The following PSMG2 variants were observed in gnomAD, a reference collection of about 807,000 sequenced individuals.
PSMG2 encodes CD40 ligand-activated specific transcript 3.
A neutral mutation model predicts 31.5 loss-of-function variants in PSMG2; 21 were observed. The ratio of observed to expected loss-of-function variants is 0.67; its 90% CI spans 0.47 to 0.96. PSMG2 has a LOEUF of 0.96. Among genes scored for constraint, PSMG2 ranks in the 40% least tolerant of loss-of-function variants. PSMG2 has a pLI of 0.00. For synonymous variants in PSMG2, 120 were observed against 110.4 expected (o/e 1.09, Z -0.54); for missense variants, 318 against 321.2 (o/e 0.99, Z 0.08).
intron 1 of PSMG2, chr18:12,673,571 A>G: frequency 7.7e-7 from 1 of 1,305,074 alleles, no homozygotes; most frequent in African/African-American, 1.6e-5. Context: ...ATTTGCAAGT[A>G]AATCAGTATT....
At chr18:12,677,458 C>CAAAAAAAAAAAAAAAAAAAAAAAA (rs71174127) in intron 1 of PSMG2, among the ~76,000 whole-genome samples, 1 of 53,948 alleles carries the variant, frequency 1.9e-5, no homozygotes, top group African/African-American at 8.3e-5. Context: ...GATTCCATCT[C>CAAAAAAAAAAAAAAAAAAAAAAAA]AAAAAAAAAA....
chr18:12,704,473 C>T (rs2040241596), intron 1 of PSMG2, among the ~76,000 whole-genome samples: 4 of 152,032 alleles, frequency 2.6e-5, no homozygotes, highest in Non-Finnish European at 5.9e-5. Flanking sequence ...ACCTGTATCT[C>T]AGCTACTCGG....
intron 3 of PSMG2, among the ~76,000 whole-genome samples, chr18:12,714,645 C>T (rs1644702154): frequency 2.0e-5 from 3 of 151,908 alleles, no homozygotes; most frequent in African/African-American, 7.3e-5. Flanking sequence ...AGGCATGCAC[C>T]ACCACACCCG....
At chr18:12,672,676 T>G in intron 1 of PSMG2, 2 of 979,498 alleles carry the variant, frequency 2.0e-6, no homozygotes, top group Non-Finnish European at 2.4e-6. Flanking sequence ...CAAAGAGGTA[T>G]AATAAAGTTT....
intron 1 of PSMG2, among the ~76,000 whole-genome samples, chr18:12,664,266 G>A (rs577940209): frequency 5.9e-5 from 9 of 152,148 alleles, no homozygotes; most frequent in East Asian, 1.9e-4. Flanking sequence ...TTTGTAGGCC[G>A]GGCATGGTGG....
At position 12,680,249 on chromosome 18, in the gene PSMG2, C is replaced by T. The variant is rs371873492; in HGVS notation, c.-37+21476C>T. 3.9e-4 allele frequency among the ~76,000 whole-genome samples: 60 copies of T among 152,230 alleles called. 1 individual carries two copies. The South Asian group carries it at 0.011, about 28-fold the overall frequency. On this transcript the variant is annotated intron_variant, in intron 1 of 6. Coordinates refer to the PSMG2 transcript ENST00000585331. Reference sequence around the variant, plus strand: ...AAAAGGCTCTAACTAAAATCATCAACACGTACCTTCAAGTACCATCAATAT... The same window carrying T: ...AAAAGGCTCTAACTAAAATCATCAATACGTACCTTCAAGTACCATCAATAT...
At position 12,703,130 on chromosome 18, in the gene PSMG2, C is replaced by T. The variant is rs1238243923; in HGVS notation, c.23C>T (p.Ser8Leu). The T allele has an allele frequency of 6.2e-7, 1 of 1,612,436 alleles. No individual in the cohort carries two copies. The highest frequency in any genetic ancestry group is 2.2e-5 in the East Asian group (1 of 44,796). MFVPCGESAPDLAGFTLL... is the reference protein window; with the variant it reads MFVPCGELAPDLAGFTLL... ...ACCATGTTCGTTCCCTGCGGGGAGT[C>T]GGCCCCCGACCTTGCCGGCTTCACC... Residue 8 changes from serine to leucine, a missense_variant, in exon 1 of 7, where the codon TCG (serine) becomes TTG (leucine). Ser to Leu is a moderately radical substitution (Grantham distance 145). Transcript: ENST00000317615.
intron 1 of PSMG2, among the ~76,000 whole-genome samples, chr18:12,683,795 GA>G (rs1383975082): frequency 6.6e-6 from 1 of 150,970 alleles, no homozygotes; most frequent in Non-Finnish European, 1.5e-5. Context: ...GCAACACATA[GA>G]AAAATGTTCA....
At chr18:12,684,090 T>TC (rs1406258856) in intron 1 of PSMG2, among the ~76,000 whole-genome samples, 1 of 151,626 alleles carries the variant, frequency 6.6e-6, no homozygotes, top group Non-Finnish European at 1.5e-5. Context: ...AGTGGCGCGA[T>TC]CTCAGCTCAC....
At chr18:12,706,926 G>T (rs557311719) in intron 2 of PSMG2, among the ~76,000 whole-genome samples, 2 of 152,042 alleles carry the variant, frequency 1.3e-5, no homozygotes, top group East Asian at 3.9e-4. Flanking sequence ...GTCTTACGAA[G>T]GTTGAGAATA....
chr18:12,670,100 C>A (rs1302192888), intron 1 of PSMG2, among the ~76,000 whole-genome samples: 1 of 152,080 alleles, frequency 6.6e-6, no homozygotes, highest in Non-Finnish European at 1.5e-5. Flanking sequence ...GAGGCCAAGG[C>A]AGGTGGATTG....
upstream of PSMG2, chr18:12,699,011 C>A: frequency 1.2e-6 from 2 of 1,613,212 alleles, no homozygotes; most frequent in Non-Finnish European, 8.5e-7. Context: ...AAGTAAAAAG[C>A]CATCATGAAA....
Position 12,718,652 on chromosome 18 carries a change from G to A in PSMG2, c.407+17G>A. The A allele has an allele frequency of 6.5e-7, 1 of 1,549,366 alleles. No individual in the cohort carries two copies. The highest frequency in any genetic ancestry group is 8.8e-7 in the Non-Finnish European group (1 of 1,136,814). On this transcript the variant is annotated intron_variant, in intron 4 of 6. Coordinates refer to ENST00000317615, the MANE Select transcript of PSMG2 (RefSeq NM_020232.5). Reference sequence around the variant, plus strand: ...GCTTCGTAGGTATGTTTCTGCCTCTGGAAAGTTATTTTTGGTATGGTTTAT... The same window carrying A: ...GCTTCGTAGGTATGTTTCTGCCTCTAGAAAGTTATTTTTGGTATGGTTTAT...
chr18:12,671,309 G>C (rs1598610191), intron 1 of PSMG2, among the ~76,000 whole-genome samples: 1 of 152,062 alleles, frequency 6.6e-6, no homozygotes, highest in East Asian at 1.9e-4. Context: ...TTTATTTGTA[G>C]GGGTGAATTA....
intron 1 of PSMG2, among the ~76,000 whole-genome samples, chr18:12,704,757 G>A (rs1033430096): frequency 6.6e-6 from 1 of 152,196 alleles, no homozygotes; most frequent in African/African-American, 2.4e-5. Flanking sequence ...TTTACGTGCT[G>A]ATGGGAATAA....
chr18:12,681,103 C>G (rs958847805), intron 1 of PSMG2, among the ~76,000 whole-genome samples: 2 of 149,908 alleles, frequency 1.3e-5, no homozygotes, highest in African/African-American at 2.5e-5. Context: ...GGAGGCGAGG[C>G]AAGAGAATCA....
chr18:12,719,130 C>T (rs898040996), intron 4 of PSMG2, among the ~76,000 whole-genome samples: 9 of 151,858 alleles, frequency 5.9e-5, no homozygotes, highest in African/African-American at 1.7e-4. Context: ...AGGCTGGTCT[C>T]GAATTCCCAG....
rs144564576 is a variant in PSMG2 at position 12,710,866 on chromosome 18, A to G, written c.230-1836A>G. On this transcript the variant is annotated intron_variant, in intron 2 of 6. Coordinates refer to ENST00000317615, the MANE Select transcript of PSMG2 (RefSeq NM_020232.5). ...AGTAATCCTAGCGCTTTGGGAGGCC[A>G]AGACGGGTGGATTGCCTGAGCTCAG... Among the ~76,000 whole-genome samples, 279 of 152,284 alleles carry G rather than the reference A, an allele frequency of 1.8e-3. 1 individual carries two copies. The highest frequency in any genetic ancestry group is 6.4e-3 in the African/African-American group (267 of 41,568).
intron 1 of PSMG2, among the ~76,000 whole-genome samples, chr18:12,694,635 A>G (rs773526535): frequency 5.8e-4 from 88 of 152,232 alleles, no homozygotes; most frequent in Non-Finnish European, 1.1e-3. Flanking sequence ...AACGCCTGCG[A>G]AAGAACGTTA....
Sources: gnomAD v4.1 joint callset for allele counts (sites outside exome capture counted in the v4.1 genomes callset) on GRCh38, gnomAD v4.1.1 for gene constraint, MANE v1.5 for transcripts, NCBI Gene and HGNC (gene_info 2026-07-23, HGNC 2026-07-21) for gene names.